The following TNFRSF11A variants were observed in gnomAD, a reference collection of about 807,000 sequenced individuals.
The protein encoded by TNFRSF11A is TNF receptor superfamily member 11a, also known as tumor necrosis factor receptor superfamily member 11A.
A neutral mutation model predicts 55.7 loss-of-function variants in TNFRSF11A; 32 were observed. The observed-to-expected ratio is 0.57, with a 90% CI of 0.43 to 0.77. TNFRSF11A has a LOEUF of 0.77. Ranked by LOEUF, TNFRSF11A falls within the 30% of genes least tolerant of loss-of-function variation. TNFRSF11A has a pLI of 0.00. For missense variants in TNFRSF11A, 753 were observed against 809.8 expected (o/e 0.93, Z 0.85); for synonymous variants, 311 against 331.0 (o/e 0.94, Z 0.65).
In TNFRSF11A at chr18:62,369,167, C is replaced by A; in HGVS notation, c.1250C>A (p.Ser417Tyr). 1 of 1,614,116 alleles carries A rather than the reference C, an allele frequency of 6.2e-7. No homozygotes were observed. The highest frequency in any genetic ancestry group is 8.5e-7 in the Non-Finnish European group (1 of 1,180,044). The change falls in exon 9 of 10, where the codon TCC (serine) becomes TAC (tyrosine). Residue 417 changes from serine (S) to tyrosine (Y), a missense_variant. By Grantham distance (144) the Ser-to-Tyr change is moderately radical. This residue lies in a region of TNFRSF11A where 567 missense variants were observed against 596.7 expected (regional missense o/e 0.95). Transcript: ENST00000586569. ...TGCAGGACTGATTGGACTCCCATGT[C>A]CTCTGAAAACTACTTGCAAAAAGAG... ...PLCRTDWTPM[S>Y]SENYLQKEVD...
chr18:62,331,866 C>G (rs1030232835), intron 1 of TNFRSF11A, among the ~76,000 whole-genome samples: 5 of 152,212 alleles, frequency 3.3e-5, no homozygotes, highest in Admixed American at 3.3e-4. Flanking sequence ...TCCCCATACC[C>G]CCAAAAAATC....
At chr18:62,340,603 A>G (rs746549484) in intron 1 of TNFRSF11A, among the ~76,000 whole-genome samples, 114 of 152,286 alleles carry the variant, frequency 7.5e-4, no homozygotes, top group Admixed American at 3.4e-3. Flanking sequence ...CACAAAATGT[A>G]TGAGCCTAAC....
intron 6 of TNFRSF11A, among the ~76,000 whole-genome samples, chr18:62,360,981 G>A (rs1383173340): frequency 1.3e-5 from 2 of 152,120 alleles, no homozygotes; most frequent in African/African-American, 4.8e-5. Context: ...GAAACAGGAA[G>A]ACATTAAAGC....
chr18:62,385,624 C>G lies in TNFRSF11A; in HGVS notation c.*590C>G, dbSNP rs1223800420. ...CCTCAACCTTCGGAGTAGCTGGGAT[C>G]ACAGCTGCAGGCCACGCCCAGCTTC... On this transcript the variant is annotated 3_prime_UTR_variant, in exon 10 of 10. Coordinates refer to ENST00000586569, the MANE Select transcript of TNFRSF11A (RefSeq NM_003839.4). 6.6e-6 allele frequency: 1 copy of G among 152,090 alleles called. No homozygotes were observed. The highest frequency in any genetic ancestry group is 2.4e-5 in the African/African-American group (1 of 41,346). The allele number at this position is 152,090 out of a possible 1,614,324, so 9.4% of individuals were successfully genotyped here. A position where few individuals can be genotyped will look rare whatever the true frequency, so the allele number is the denominator to read the frequency against.
chr18:62,337,182 AT>A (rs1180286629), intron 1 of TNFRSF11A, among the ~76,000 whole-genome samples: 1 of 152,048 alleles, frequency 6.6e-6, no homozygotes, highest in African/African-American at 2.4e-5. Context: ...CCTAAGTTAG[AT>A]TTTTTTTCTG....
rs904737036 is a variant in TNFRSF11A at position 62,384,932 on chromosome 18, G to T, written c.1749G>T (p.Gly583=). 5 of 1,547,272 alleles carry T rather than the reference G, an allele frequency of 3.2e-6. No homozygotes were observed. Among genetic ancestry groups the T allele is most frequent in the Non-Finnish European group, 4.4e-6 (5 of 1,148,300 alleles). The part of the protein sequence containing the change: ...ETLARRDSFA[G]NGPRFPDPCG... The stretch of plus-strand genomic sequence containing the variant: ...TGGCGCGCCGAGACTCCTTCGCGGG[G>T]AACGGCCCGCGCTTCCCGGACCCGT... The change falls in exon 10 of 10, where the codon GGG becomes GGT. Residue 583 remains glycine (G), a synonymous_variant. Coordinates refer to ENST00000586569, the MANE Select transcript of TNFRSF11A (RefSeq NM_003839.4).
At chr18:62,371,441 C>T (rs542979958) in intron 9 of TNFRSF11A, among the ~76,000 whole-genome samples, 27 of 152,274 alleles carry the variant, frequency 1.8e-4, no homozygotes, top group African/African-American at 6.3e-4. Flanking sequence ...GAGTCAAAAC[C>T]GTAGCCTAGT....
chr18:62,365,598 A>G (rs536806263), intron 7 of TNFRSF11A, among the ~76,000 whole-genome samples: 27 of 152,192 alleles, frequency 1.8e-4, no homozygotes, highest in African/African-American at 6.5e-4. Context: ...TTGTTCTTCT[A>G]TGATGTCTAA....
chr18:62,338,333 G>T (rs566927440), intron 1 of TNFRSF11A, among the ~76,000 whole-genome samples: 1 of 152,278 alleles, frequency 6.6e-6, no homozygotes, highest in South Asian at 2.1e-4. Context: ...AGACCAAAAA[G>T]AACTGAAAAC....
At chr18:62,367,416 G>A (rs56051253) in intron 8 of TNFRSF11A, 45,690 of 154,222 alleles carry the variant, frequency 0.3, 7,310 homozygotes, top group Non-Finnish European at 0.34. Flanking sequence ...TGTTGACACA[G>A]TTCAAAATTA....
intron 7 of TNFRSF11A, among the ~76,000 whole-genome samples, chr18:62,364,634 T>G (rs1909945707): frequency 6.6e-6 from 1 of 152,136 alleles, no homozygotes; most frequent in African/African-American, 2.4e-5. Flanking sequence ...TTTTCTCTTT[T>G]GGTGGGGGGT....
chr18:62,349,604 G>T (rs1214773961), intron 2 of TNFRSF11A, among the ~76,000 whole-genome samples: 1 of 152,210 alleles, frequency 6.6e-6, no homozygotes, highest in Non-Finnish European at 1.5e-5. Flanking sequence ...TCAGCCAGCT[G>T]CGTGGCCTGA....
chr18:62,365,427 C>A (rs1051293282), intron 7 of TNFRSF11A, among the ~76,000 whole-genome samples: 2 of 152,262 alleles, frequency 1.3e-5, no homozygotes, highest in African/African-American at 4.8e-5. Flanking sequence ...CTTTTTTGAA[C>A]ATATTCTTCT....
Position 62,367,673 on chromosome 18 carries a change from C to T in TNFRSF11A, c.783+913C>T, listed in dbSNP as rs149169635. On this transcript the variant is annotated intron_variant, in intron 8 of 9. Coordinates refer to ENST00000586569, the MANE Select transcript of TNFRSF11A (RefSeq NM_003839.4). ...TCATATATAACCATAGTACATGTAT[C>T]GGAATCAAGAAATTTAACAATGGTA... is the stretch of plus-strand genomic sequence containing the variant. 3.9e-5 allele frequency among the ~76,000 whole-genome samples: 6 copies of T among 151,920 alleles called. No individual in the cohort carries two copies. In the East Asian group the frequency reaches 7.7e-4, roughly 20 times the overall value.
At chr18:62,334,851 G>A (rs2046206671) in intron 1 of TNFRSF11A, among the ~76,000 whole-genome samples, 1 of 152,112 alleles carries the variant, frequency 6.6e-6, no homozygotes, top group African/African-American at 2.4e-5. Flanking sequence ...GACACTAGCG[G>A]GGTTTAGGGG....
chr18:62,354,278 G>A, intron 3 of TNFRSF11A, 113 bp from the exon 4 acceptor site: 1 of 1,346,280 alleles, frequency 7.4e-7, no homozygotes. Context: ...CACTCTGCAG[G>A]CCTGCCAGGC....
chr18:62,327,567 G>T (rs1438497753), intron 1 of TNFRSF11A, among the ~76,000 whole-genome samples: 1 of 152,192 alleles, frequency 6.6e-6, no homozygotes, highest in Admixed American at 6.5e-5. Context: ...TGTATTCAAT[G>T]ACTGCTTGTT....
chr18:62,380,216 T>C (rs1346166686), intron 9 of TNFRSF11A, among the ~76,000 whole-genome samples: 1 of 152,246 alleles, frequency 6.6e-6, no homozygotes, highest in African/African-American at 2.4e-5. Flanking sequence ...AATTGCCACG[T>C]ATTGTGTGAT....
intron 1 of TNFRSF11A, among the ~76,000 whole-genome samples, chr18:62,337,813 A>C (rs7239261): frequency 0.62 from 94,005 of 152,018 alleles, 29,263 homozygotes; most frequent in East Asian, 0.76. Flanking sequence ...AGTTCTATCC[A>C]CTGTATCCAG....
Sources: gnomAD v4.1 joint callset for allele counts (sites outside exome capture counted in the v4.1 genomes callset) on GRCh38, gnomAD v4.1.1 for gene constraint, gnomAD v4.1.1 regional missense constraint, MANE v1.5 for transcripts, NCBI Gene and HGNC (gene_info 2026-07-23, HGNC 2026-07-21) for gene names.